The following ZMYM2 variants were observed in gnomAD, a reference collection of about 807,000 sequenced individuals.
ZMYM2 encodes the protein zinc finger MYM-type protein 2.
ZMYM2 carries 56 observed loss-of-function variants against 162.8 expected under a neutral mutation model. The observed-to-expected ratio is 0.34, with a 90% confidence interval of 0.28 to 0.43. The LOEUF is 0.43. Ranked by LOEUF, ZMYM2 falls within the 20% of genes least tolerant of loss-of-function variation. ZMYM2 has a pLI of 1.00. For synonymous variants in ZMYM2, 510 were observed against 541.6 expected (o/e 0.94, Z 0.81); for missense variants, 1,275 against 1,621.8 (o/e 0.79, Z 3.67).
rs1430972168 is a variant in ZMYM2, at chr13:20,067,057, A to C, written c.3301+38A>C. ...ATTTTGTTTCTCCTAAGTCCTATTT[A>C]AAATCAAGATTTCTGTTATTGAGTA... On this transcript the variant is annotated intron_variant, in intron 20 of 24. Transcript: ENST00000610343. 5 of 1,531,690 alleles carry C rather than the reference A, an allele frequency of 3.3e-6. No homozygotes were observed. In the African/African-American group the frequency reaches 4.2e-5, roughly 13 times the overall value. 94.9% of individuals were successfully genotyped at this position (1,531,690 alleles called of 1,614,324 possible).
chr13:19,882,884 C>T, the ZMYM2 span, among the ~76,000 whole-genome samples: 4,268 of 152,176 alleles, frequency 0.028, 201 homozygotes, highest in African/African-American at 0.097. Flanking sequence ...TCTTTTGACC[C>T]AGCAATTCAT....
chr13:19,867,090 C>T, the ZMYM2 span, among the ~76,000 whole-genome samples: 1 of 152,028 alleles, frequency 6.6e-6, no homozygotes, highest in Admixed American at 6.6e-5. Context: ...CGGTGGCTCA[C>T]GCCTGTAATC....
intron 20 of ZMYM2, 104 bp downstream of exon 20, chr13:20,067,123 G>GTT (rs1956740728): frequency 5.8e-6 from 8 of 1,380,164 alleles, no homozygotes; most frequent in Non-Finnish European, 7.7e-6. Context: ...TAAAATACCT[G>GTT]TAAGAATGCA....
At chr13:19,884,097 A>T in the ZMYM2 span, among the ~76,000 whole-genome samples, 1 of 152,194 alleles carries the variant, frequency 6.6e-6, no homozygotes, top group South Asian at 2.1e-4. Context: ...TCTGCAGGGT[A>T]AACTGGCACA....
intron 24 of ZMYM2, among the ~76,000 whole-genome samples, chr13:20,083,999 G>T (rs1477108747): frequency 2.0e-5 from 3 of 152,126 alleles, no homozygotes; most frequent in African/African-American, 7.2e-5. Context: ...CTCTACTAAT[G>T]AAATTTCTAC....
chr13:20,088,466 A>C lies in ZMYM2; in HGVS notation c.*2452A>C, dbSNP rs1958392700. The C allele has an allele frequency of 5.0e-6, 1 of 200,284 alleles. No homozygotes were observed. Among genetic ancestry groups the C allele is most frequent in the South Asian group, 1.9e-4 (1 of 5,266 alleles). 12.4% of individuals were successfully genotyped at this position (200,284 alleles called of 1,614,324 possible). On this transcript the variant is annotated 3_prime_UTR_variant, in exon 25 of 25. Transcript: ENST00000610343. ...TATATTTTTCTGTTCTGTTTTCTGA[A>C]GATTTTGCCATTTAAAATGATCCAG... is the stretch of plus-strand genomic sequence containing the variant.
intron 12 of ZMYM2, among the ~76,000 whole-genome samples, chr13:20,037,512 G>A (rs1374156242): frequency 6.6e-6 from 1 of 152,074 alleles, no homozygotes; most frequent in Non-Finnish European, 1.5e-5. Flanking sequence ...CCAATGCCCA[G>A]CTAAATAGAA....
Position 20,036,924 on chromosome 13 carries a change from T to A in ZMYM2, c.2292+15T>A. The A allele has an allele frequency of 6.3e-7, 1 of 1,594,120 alleles. No homozygotes were observed. The highest frequency in any genetic ancestry group is 8.5e-7 in the Non-Finnish European group (1 of 1,171,528). On this transcript the variant is annotated intron_variant, in intron 12 of 24. Transcript: ENST00000610343. ...GGTACTACAAGGCGAGTAACTCCTTTATTACAGCAGCTACTTTAACCAGTC... is the reference window on the plus strand; with the variant it reads ...GGTACTACAAGGCGAGTAACTCCTTAATTACAGCAGCTACTTTAACCAGTC...
intron 2 of ZMYM2, among the ~76,000 whole-genome samples, chr13:19,987,620 CGTGTGTGTGTGTGTGTGT>C (rs756005409): frequency 8.6e-4 from 104 of 121,360 alleles, no homozygotes; most frequent in African/African-American, 2.6e-3. Context: ...GGGGTTTTGT[CGTGTGTGTGTGTGTGTGT>C]GTGTGTGTGT....
upstream of ZMYM2, among the ~76,000 whole-genome samples, chr13:19,957,688 G>A (rs1312589881): frequency 6.6e-6 from 1 of 152,256 alleles, no homozygotes; most frequent in East Asian, 1.9e-4. Context: ...CCAGGAGACG[G>A]TGGCAGGCGG....
the ZMYM2 span, among the ~76,000 whole-genome samples, chr13:19,922,783 A>G: frequency 6.6e-6 from 1 of 151,796 alleles, no homozygotes; most frequent in African/African-American, 2.4e-5. Context: ...GGCAGAGCTT[A>G]CAGTGAGCCG....
At chr13:20,049,690 A>G (rs1955137828) in intron 12 of ZMYM2, among the ~76,000 whole-genome samples, 1 of 152,068 alleles carries the variant, frequency 6.6e-6, no homozygotes, top group Non-Finnish European at 1.5e-5. Flanking sequence ...GACCTTAGTC[A>G]AGTCATTTAA....
the ZMYM2 span, among the ~76,000 whole-genome samples, chr13:19,904,929 G>A: frequency 4.0e-5 from 6 of 151,778 alleles, no homozygotes; most frequent in African/African-American, 9.7e-5. Flanking sequence ...GTCAGTGGAC[G>A]CTTGTGTTGG....
intron 6 of ZMYM2, among the ~76,000 whole-genome samples, chr13:20,013,315 A>T (rs980360910): frequency 6.6e-6 from 1 of 152,188 alleles, no homozygotes; most frequent in African/African-American, 2.4e-5. Flanking sequence ...GTACTGTGCA[A>T]GTTTACTGAA....
the ZMYM2 span, among the ~76,000 whole-genome samples, chr13:19,888,367 C>G: frequency 1.3e-5 from 2 of 151,476 alleles, no homozygotes; most frequent in Non-Finnish European, 2.9e-5. Flanking sequence ...TTTAAAATTT[C>G]TGATAGAGAC....
the ZMYM2 span, among the ~76,000 whole-genome samples, chr13:19,870,981 C>T: frequency 2.0e-5 from 3 of 151,888 alleles, no homozygotes; most frequent in African/African-American, 7.3e-5. Context: ...GTGCTTCCCA[C>T]AGTCAAGCAG....
chr13:20,021,328 T>A (rs1210541390), intron 7 of ZMYM2, among the ~76,000 whole-genome samples: 3 of 151,834 alleles, frequency 2.0e-5, no homozygotes, highest in African/African-American at 7.2e-5. Context: ...TTGATTTTCT[T>A]TTTTTTTCTT....
intron 7 of ZMYM2, chr13:20,026,109 G>A (rs1299580253): frequency 6.6e-6 from 1 of 152,086 alleles, no homozygotes; most frequent in Non-Finnish European, 1.5e-5. Context: ...TTCAAATGTA[G>A]TAGATAGGTG....
the ZMYM2 span, among the ~76,000 whole-genome samples, chr13:19,925,967 C>CTT: frequency 2.1e-5 from 3 of 143,808 alleles, no homozygotes; most frequent in Admixed American, 2.1e-4. Context: ...TGAAAATTAT[C>CTT]TTTTTTTTTT....
Sources: gnomAD v4.1 joint callset for allele counts (sites outside exome capture counted in the v4.1 genomes callset) on GRCh38, gnomAD v4.1.1 for gene constraint, MANE v1.5 for transcripts, NCBI Gene and HGNC (gene_info 2026-07-23, HGNC 2026-07-21) for gene names.